LGR5: variants seen among roughly 807,000 people sequenced by gnomAD.
LGR5 encodes the protein leucine-rich repeat-containing G protein-coupled receptor 5.
In LGR5, 54 loss-of-function variants were observed where a neutral mutation model predicts 76.7. The observed-to-expected ratio is 0.70, with a 90% CI of 0.57 to 0.88. The LOEUF is 0.88. LGR5 is among the 40% of genes least tolerant of loss of function. The pLI, the probability that LGR5 is intolerant of heterozygous loss-of-function variation, is 0.00. For missense variants in LGR5, 1,078 were observed against 1,073.3 expected, an observed-to-expected ratio of 1.00 and a Z score of -0.06; for synonymous variants, 406 against 421.9, an observed-to-expected ratio of 0.96 and a Z score of 0.46.
At chr12:71,522,397 A>G (rs1875768042) in intron 2 of LGR5, among the ~76,000 whole-genome samples, 1 of 152,196 alleles carries the variant, frequency 6.6e-6, no homozygotes, top group Admixed American at 6.5e-5. Context: ...GAAATAAAAT[A>G]CCTTTGCCCT....
chr12:71,475,021 T>C (rs894431405), intron 1 of LGR5, among the ~76,000 whole-genome samples: 4 of 152,158 alleles, frequency 2.6e-5, no homozygotes, highest in Admixed American at 2.0e-4. Context: ...TCCACATTAA[T>C]GTTTTGATCT....
chr12:71,549,208 C>T (rs541702300), intron 4 of LGR5, among the ~76,000 whole-genome samples: 2 of 152,178 alleles, frequency 1.3e-5, no homozygotes, highest in Non-Finnish European at 2.9e-5. Flanking sequence ...TAATTCTATA[C>T]TCCTGTTTAC....
chr12:71,535,253 T>C (rs528247941), intron 4 of LGR5, 67 bp downstream of exon 4: 11 of 1,074,906 alleles, frequency 1.0e-5, no homozygotes, highest in African/African-American at 1.6e-5. Flanking sequence ...AAATGTTCAG[T>C]TGACCATTTT....
chr12:71,575,370 C>A (rs1467879150), intron 13 of LGR5, among the ~76,000 whole-genome samples: 1 of 152,000 alleles, frequency 6.6e-6, no homozygotes, highest in African/African-American at 2.4e-5. Context: ...TGCAGAAATA[C>A]CATTTGACCC....
At chr12:71,562,814 G>T (rs1004389735) in intron 8 of LGR5, among the ~76,000 whole-genome samples, 1 of 152,062 alleles carries the variant, frequency 6.6e-6, no homozygotes, top group Non-Finnish European at 1.5e-5. Context: ...AGCAGATGTT[G>T]GTCCTGTGCC....
chr12:71,468,709 CTTTTTTTTT>C (rs538254378), intron 1 of LGR5, among the ~76,000 whole-genome samples: 18 of 70,072 alleles, frequency 2.6e-4, no homozygotes, highest in African/African-American at 5.3e-4. Flanking sequence ...GTGGTAGCCT[CTTTTTTTTT>C]TTTTTTTTTT....
intron 6 of LGR5, among the ~76,000 whole-genome samples, chr12:71,559,319 C>A (rs1877938678): frequency 6.6e-6 from 1 of 152,340 alleles, no homozygotes; most frequent in East Asian, 1.9e-4. Flanking sequence ...AATACTCCTG[C>A]ACACTCCCTT....
intron 1 of LGR5, among the ~76,000 whole-genome samples, chr12:71,489,707 T>G (rs1873981103): frequency 6.6e-6 from 1 of 152,154 alleles, no homozygotes; most frequent in Admixed American, 6.5e-5. Flanking sequence ...GAGAAATACT[T>G]TTTGTTTCAA....
intron 1 of LGR5, among the ~76,000 whole-genome samples, chr12:71,452,214 G>A (rs1465233781): frequency 1.3e-5 from 2 of 152,196 alleles, no homozygotes; most frequent in Non-Finnish European, 1.5e-5. Context: ...TGGGAACTGT[G>A]AGTAACAAAC....
At chr12:71,562,404 T>C (rs996957940) in intron 8 of LGR5, among the ~76,000 whole-genome samples, 1 of 152,164 alleles carries the variant, frequency 6.6e-6, no homozygotes, top group African/African-American at 2.4e-5. Context: ...TATGAGGATT[T>C]ATATGCCATA....
chr12:71,502,432 G>T (rs7305329), intron 1 of LGR5, among the ~76,000 whole-genome samples: 14,060 of 151,722 alleles, frequency 0.093, 697 homozygotes, highest in Non-Finnish European at 0.11. Context: ...TCCTGACCTC[G>T]GGTGACCCAC....
intron 1 of LGR5, among the ~76,000 whole-genome samples, chr12:71,480,631 T>C (rs931867033): frequency 1.6e-4 from 25 of 152,044 alleles, no homozygotes; most frequent in Admixed American, 4.6e-4. Flanking sequence ...TTAGGACCCA[T>C]TGGGAGAATA....
chr12:71,519,405 A>C (rs532823981), intron 2 of LGR5, among the ~76,000 whole-genome samples: 1 of 152,124 alleles, frequency 6.6e-6, no homozygotes, highest in East Asian at 1.9e-4. Context: ...TATTCACTTG[A>C]GTTTTTATTT....
chr12:71,498,667 G>T (rs746982678), intron 1 of LGR5, among the ~76,000 whole-genome samples: 2 of 152,088 alleles, frequency 1.3e-5, no homozygotes, highest in Non-Finnish European at 2.9e-5. Flanking sequence ...ACCACTTTAG[G>T]GATTCAGGGT....
chr12:71,455,122 A>T (rs1463523286), intron 1 of LGR5, among the ~76,000 whole-genome samples: 1 of 152,114 alleles, frequency 6.6e-6, no homozygotes, highest in Non-Finnish European at 1.5e-5. Flanking sequence ...AACCAACTAA[A>T]TCACAATTTC....
chr12:71,482,610 A>T (rs897089626), intron 1 of LGR5, among the ~76,000 whole-genome samples: 3 of 152,210 alleles, frequency 2.0e-5, no homozygotes, highest in Admixed American at 1.3e-4. Flanking sequence ...AATTCACCCT[A>T]TAAAAGCCTA....
At chr12:71,566,304 A>G (rs754665375) in intron 8 of LGR5, 100 bp from the exon 9 acceptor site, 112 of 763,216 alleles carry the variant, frequency 1.5e-4, no homozygotes, top group Non-Finnish European at 2.1e-4. Context: ...TATAATTAAA[A>G]TTACATAAGT....
intron 1 of LGR5, among the ~76,000 whole-genome samples, chr12:71,458,666 T>G (rs1167425128): frequency 6.6e-6 from 1 of 152,128 alleles, no homozygotes; most frequent in African/African-American, 2.4e-5. Flanking sequence ...GAAGAGATCT[T>G]TCATAGTGTC....
At chr12:71,444,027 C>A (rs1871879981) in intron 1 of LGR5, among the ~76,000 whole-genome samples, 1 of 151,828 alleles carries the variant, frequency 6.6e-6, no homozygotes, top group African/African-American at 2.4e-5. Context: ...GGAACAAAAG[C>A]CACAATTAGT....
Sources: gnomAD v4.1 joint callset for allele counts (sites outside exome capture counted in the v4.1 genomes callset) on GRCh38, gnomAD v4.1.1 for gene constraint, MANE v1.5 for transcripts, NCBI Gene and HGNC (gene_info 2026-07-23, HGNC 2026-07-21) for gene names.